The following KCNQ2 variants were observed in gnomAD, a reference collection of about 807,000 sequenced individuals.
KCNQ2 encodes potassium voltage-gated channel subfamily KQT member 2.
KCNQ2 carries 14 observed loss-of-function variants against 84.8 expected under a neutral mutation model. That is an observed-to-expected ratio of 0.17 (90% CI 0.11 to 0.26). The LOEUF (loss-of-function observed/expected upper bound fraction) is 0.26, where lower values mean the gene tolerates loss of function less well. Ranked by LOEUF, KCNQ2 falls within the 10% of genes least tolerant of loss-of-function variation. KCNQ2 has a pLI of 1.00. For synonymous variants in KCNQ2, 599 were observed against 554.1 expected (o/e 1.08, Z -1.14); for missense variants, 788 against 1,254.0 (o/e 0.63, Z 5.61).
Position 63,433,871 on chromosome 20 carries a change from C to T in KCNQ2, c.1056G>A (p.Ser352=), listed in dbSNP as rs769146180. The part of the protein sequence containing the change: ...SAWRFYATNL[S]RTDLHSTWQY... The stretch of plus-strand genomic sequence containing the variant: ...GCCACGTGGAGTGCAGGTCTGTGCG[C>T]GAGAGGTTGGTGGCGTAGAATCTCC... Residue 352 remains serine, a synonymous_variant, in exon 8 of 17, where the codon TCG becomes TCA. Transcript: ENST00000359125. 1.3e-5 allele frequency: 21 copies of T among 1,613,618 alleles called. No individual in the cohort carries two copies. The highest frequency in any genetic ancestry group is 1.2e-4 in the Admixed American group (7 of 59,984).
chr20:63,440,514 C>T (rs1049009793), intron 5 of KCNQ2, among the ~76,000 whole-genome samples: 1 of 152,194 alleles, frequency 6.6e-6, no homozygotes, highest in Non-Finnish European at 1.5e-5. Flanking sequence ...GACAGCCGCA[C>T]GGAGGCCACT....
Position 63,472,245 on chromosome 20 carries a change from G to A in KCNQ2, c.219C>T (p.Phe73=), listed in dbSNP as rs756726844. ...GAGKPPKRNA[F]YRKLQNFLYN... ...AGAGGAAATTCTGCAGCTTGCGGTA[G>A]AAGGCGTTGCGCTTGGGGGGCTTCC... Residue 73 remains phenylalanine, a synonymous_variant, in exon 1 of 17, where the codon TTC becomes TTT. Coordinates refer to ENST00000359125, the MANE Select transcript of KCNQ2 (RefSeq NM_172107.4). 6.5e-7 allele frequency: 1 copy of A among 1,540,890 alleles called. No homozygotes were observed. Among genetic ancestry groups the A allele is most frequent in the Non-Finnish European group, 8.7e-7 (1 of 1,143,722 alleles).
At position 63,402,663 on chromosome 20, in the gene KCNQ2, C is replaced by T. The variant is rs549021711; in HGVS notation, c.*3981G>A. 1.8e-4 allele frequency: 27 copies of T among 152,488 alleles called. No individual in the cohort carries two copies. Among genetic ancestry groups the T allele is most frequent in the African/African-American group, 6.5e-4 (27 of 41,588 alleles). The allele number at this position is 152,488 out of a possible 1,614,324, so 9.4% of individuals were successfully genotyped here. A position where few individuals can be genotyped will look rare whatever the true frequency, so the allele number is the denominator to read the frequency against. ...ATTAAACCACACGCCCTGGCTGTGC[C>T]TCTCCTCCGGGCGGGACTTGGGGTG... On this transcript the variant is annotated 3_prime_UTR_variant, in exon 17 of 17. Transcript: ENST00000359125.
chr20:63,432,950 G>A (rs749299196), intron 8 of KCNQ2, among the ~76,000 whole-genome samples: 9 of 152,160 alleles, frequency 5.9e-5, no homozygotes, highest in Non-Finnish European at 1.3e-4. Context: ...GACGGGGGGC[G>A]CGGGAGCTGG....
chr20:63,408,431 G>A lies in KCNQ2; in HGVS notation c.1869C>T (p.Leu623=), dbSNP rs774516728. The A allele has an allele frequency of 6.8e-6, 11 of 1,608,556 alleles. No individual in the cohort carries two copies. In the Middle Eastern group the frequency reaches 5.0e-4, roughly 73 times the overall value. Residue 623 remains leucine (L), a synonymous_variant, in exon 16 of 17, where the codon CTC becomes CTT. Coordinates refer to ENST00000359125, the MANE Select transcript of KCNQ2 (RefSeq NM_172107.4). This position sits in a 1 kb window ranked among gnomAD's most constrained non-coding sequence, Gnocchi z 5.0. ...LPEDPSMMGR[L]GKVEKQVLSM... ...CTCGCACCTGCTTCTCCACCTTCCC[G>A]AGCCGTCCCATCATGCTGGGGTCCT...
chr20:63,434,237 T>C, intron 7 of KCNQ2: 1 of 339,226 alleles, frequency 2.9e-6, no homozygotes, highest in Non-Finnish European at 5.4e-6. Context: ...GTATCACCTG[T>C]CCTGGGGGTT....
At chr20:63,458,619 C>G (rs1402286956) in intron 1 of KCNQ2, among the ~76,000 whole-genome samples, 1 of 152,068 alleles carries the variant, frequency 6.6e-6, no homozygotes, top group Admixed American at 6.5e-5. Context: ...CGAGCACTGT[C>G]CCCCCAGAGC....
At chr20:63,445,666 G>T in intron 2 of KCNQ2, 1 of 459,402 alleles carries the variant, frequency 2.2e-6, no homozygotes, top group Non-Finnish European at 3.9e-6. Context: ...AGCTGGCAGG[G>T]CTGCCCTGTC....
Position 63,406,528 on chromosome 20 carries a change from C to T in KCNQ2, c.*116G>A. 3 of 1,288,404 alleles carry T rather than the reference C, an allele frequency of 2.3e-6. No individual in the cohort carries two copies. The highest frequency in any genetic ancestry group is 3.1e-6 in the Non-Finnish European group (3 of 965,136). 79.8% of individuals were successfully genotyped at this position (1,288,404 alleles called of 1,614,324 possible). On this transcript the variant is annotated 3_prime_UTR_variant, in exon 17 of 17. Coordinates refer to ENST00000359125, the MANE Select transcript of KCNQ2 (RefSeq NM_172107.4). ...CCACATGGGCCCCTCCAGGGCCCAC[C>T]CTTCCCGCCACACTCAGTTACTGTA... is the stretch of plus-strand genomic sequence containing the variant.
intron 9 of KCNQ2, 100 bp downstream of exon 9, chr20:63,431,240 C>T (rs1044836708): frequency 7.5e-5 from 101 of 1,352,320 alleles, no homozygotes; most frequent in Admixed American, 5.0e-5. Context: ...CTCTGCAGAC[C>T]GGGTGGGCCA....
chr20:63,414,046 C>T lies in KCNQ2; in HGVS notation c.1631+42G>A. 6.8e-7 allele frequency: 1 copy of T among 1,472,622 alleles called. No homozygotes were observed. The highest frequency in any genetic ancestry group is 1.7e-4 in the Middle Eastern group (1 of 5,732). 91.2% of individuals were successfully genotyped at this position (1,472,622 alleles called of 1,614,324 possible). ...AGGCAGGACCACCGAGCGGGAGGCC[C>T]CTCCTCACTCCCCCAGGCTCCCGGC... On this transcript the variant is annotated intron_variant, in intron 14 of 16. Transcript: ENST00000359125. The surrounding 1 kb of genome is among the most constrained non-coding windows in gnomAD (Gnocchi z 6.6).
rs2079814602 is a variant in KCNQ2, at chr20:63,401,832, G to A, written c.*4812C>T. The A allele has an allele frequency of 9.9e-6, 2 of 201,456 alleles. No individual in the cohort carries two copies. Among genetic ancestry groups the A allele is most frequent in the Non-Finnish European group, 2.1e-5 (2 of 97,210 alleles). The allele number at this position is 201,456 out of a possible 1,614,324, so 12.5% of individuals were successfully genotyped here. A position where few individuals can be genotyped will look rare whatever the true frequency, so the allele number is the denominator to read the frequency against. ...GAGCTGTCCCTCTCACACCACGTCT[G>A]CTGGGCACCCTCCATGGCAGGTCCA... is the stretch of plus-strand genomic sequence containing the variant. On this transcript the variant is annotated 3_prime_UTR_variant, in exon 17 of 17. Coordinates refer to ENST00000359125, the MANE Select transcript of KCNQ2 (RefSeq NM_172107.4).
Position 63,446,280 on chromosome 20 carries a change from A to G in KCNQ2, c.387+467T>C. The G allele has an allele frequency of 3.8e-6, 1 of 259,774 alleles. No homozygotes were observed. 16.1% of individuals were successfully genotyped at this position (259,774 alleles called of 1,614,324 possible). A position where few individuals can be genotyped will look rare whatever the true frequency, so the allele number is the denominator to read the frequency against. On this transcript the variant is annotated intron_variant, in intron 2 of 16. Coordinates refer to ENST00000359125, the MANE Select transcript of KCNQ2 (RefSeq NM_172107.4). The surrounding 1 kb of genome is among the most constrained non-coding windows in gnomAD (Gnocchi z 5.5). Reference sequence around the variant, plus strand: ...ATTTGGATGGGGACCAGTCTCCTTGAGGGCCCCCCACCCCGTTACCAACAG... The same window carrying G: ...ATTTGGATGGGGACCAGTCTCCTTGGGGGCCCCCCACCCCGTTACCAACAG...
chr20:63,467,451 G>T (rs998485980), intron 1 of KCNQ2, among the ~76,000 whole-genome samples: 1 of 152,062 alleles, frequency 6.6e-6, no homozygotes, highest in African/African-American at 2.4e-5. Context: ...CAGGGCTGAG[G>T]CTAGCCTGGC....
At position 63,431,323 on chromosome 20, in the gene KCNQ2, G is replaced by A. The variant is rs1011576242; in HGVS notation, c.1148+17C>T. ...AACCACACACACACACAGGGCTTCT[G>A]TCCATGCATTTCCTACCTGGAGGCC... On this transcript the variant is annotated intron_variant, in intron 9 of 16. Transcript: ENST00000359125. The A allele has an allele frequency of 6.2e-7, 1 of 1,613,354 alleles. No individual in the cohort carries two copies. The highest frequency in any genetic ancestry group is 8.5e-7 in the Non-Finnish European group (1 of 1,179,610).
At chr20:63,410,075 G>A (rs56691022) in intron 15 of KCNQ2, 19,791 of 251,146 alleles carry the variant, frequency 0.079, 899 homozygotes, top group Middle Eastern at 0.14. Flanking sequence ...CATGCTCCGC[G>A]GGGCTTCATG....
Position 63,407,549 on chromosome 20 carries a change from G to A in KCNQ2, c.1888-174C>T, listed in dbSNP as rs1315800833. On this transcript the variant is annotated intron_variant, in intron 16 of 16. Coordinates refer to ENST00000359125, the MANE Select transcript of KCNQ2 (RefSeq NM_172107.4). This position sits in a 1 kb window ranked among gnomAD's most constrained non-coding sequence, Gnocchi z 7.2. ...AGTCCCAGGAGATGTGGGGACCCGG[G>A]CTGCTCCCAGGAAATGGGGGGGCCC... Among the ~76,000 whole-genome samples the A allele has an allele frequency of 6.6e-6, 1 of 151,832 alleles. No individual in the cohort carries two copies. Among genetic ancestry groups the A allele is most frequent in the African/African-American group, 2.4e-5 (1 of 41,310 alleles).
In KCNQ2 at chr20:63,427,182, A is replaced by G. The variant is rs537372255; in HGVS notation, c.1217+1185T>C. 8.3e-4 allele frequency among the ~76,000 whole-genome samples: 126 copies of G among 152,354 alleles called. 4 individuals carry two copies. In the South Asian group the frequency reaches 0.025, roughly 30 times the overall value. Reference sequence around the variant, plus strand: ...GGTTGCAGTGAGCCAAGATCGCACCACTGCATTCCAGCCTGGGCGAAAGAG... The same window carrying G: ...GGTTGCAGTGAGCCAAGATCGCACCGCTGCATTCCAGCCTGGGCGAAAGAG... On this transcript the variant is annotated intron_variant, in intron 10 of 16. Coordinates refer to ENST00000359125, the MANE Select transcript of KCNQ2 (RefSeq NM_172107.4).
At chr20:63,451,193 G>C (rs1600815415) in intron 1 of KCNQ2, among the ~76,000 whole-genome samples, 1 of 151,146 alleles carries the variant, frequency 6.6e-6, no homozygotes, top group Non-Finnish European at 1.5e-5. Context: ...AGTCCAACCA[G>C]ATAAGGACAC....
Sources: allele counts gnomAD v4.1 joint callset (sites outside exome capture counted in the v4.1 genomes callset), GRCh38; gene constraint gnomAD v4.1.1; non-coding constraint Gnocchi (gnomAD v3.1); transcripts MANE v1.5; gene names NCBI Gene and HGNC (gene_info 2026-07-23, HGNC 2026-07-21).